Variants in FOXN3 observed in about 807,000 individuals in gnomAD.
FOXN3 encodes forkhead box protein N3.
A neutral mutation model predicts 38.4 loss-of-function variants in FOXN3; 7 were observed. The ratio of observed to expected loss-of-function variants is 0.18; its 90% CI spans 0.10 to 0.34. FOXN3 has a LOEUF of 0.34. Among genes scored for constraint, FOXN3 ranks in the 10% least tolerant of loss-of-function variants. The pLI, the probability that FOXN3 is intolerant of heterozygous loss-of-function variation, is 1.00. For missense variants in FOXN3, 456 were observed against 613.4 expected (o/e 0.74, Z 2.71); for synonymous variants, 230 against 242.2 (o/e 0.95, Z 0.47).
intron 4 of FOXN3, among the ~76,000 whole-genome samples, chr14:89,209,107 T>C (rs146367083): frequency 5.6e-4 from 85 of 152,358 alleles, no homozygotes; most frequent in African/African-American, 2.0e-3. Context: ...TCGGACTCAC[T>C]GGATATTCCA....
rs79057960 is a variant in FOXN3, at chr14:89,555,785, A to G, written c.-15+63243T>C. 2.1e-3 allele frequency among the ~76,000 whole-genome samples: 313 copies of G among 149,518 alleles called. 2 individuals carry two copies. The highest frequency in any genetic ancestry group is 6.3e-3 in the African/African-American group (259 of 40,890). ...GTTAGGAGATTTGACCAAAGACCCCATTGTAAGTTTGTAGCCAGGACTAGC... is the reference window on the plus strand; with the variant it reads ...GTTAGGAGATTTGACCAAAGACCCCGTTGTAAGTTTGTAGCCAGGACTAGC... On this transcript the variant is annotated intron_variant, in intron 1 of 6. Coordinates refer to the FOXN3 transcript ENST00000345097.
At chr14:89,289,107 A>G (rs1886773974) in intron 3 of FOXN3, among the ~76,000 whole-genome samples, 2 of 149,724 alleles carry the variant, frequency 1.3e-5, no homozygotes, top group Admixed American at 6.7e-5. Flanking sequence ...GCTTGAACCC[A>G]GGAGGCAGAG....
At chr14:89,179,816 TTAC>T (rs1244896071) in intron 5 of FOXN3, among the ~76,000 whole-genome samples, 1 of 152,174 alleles carries the variant, frequency 6.6e-6, no homozygotes, top group Non-Finnish European at 1.5e-5. Context: ...ACGTGCTGCC[TTAC>T]ATATGAGGGT....
At chr14:89,421,145 C>CTTTTT (rs570024684), upstream of FOXN3, among the ~76,000 whole-genome samples, 23 of 108,168 alleles carry the variant, frequency 2.1e-4, no homozygotes, top group Non-Finnish European at 3.2e-4. Flanking sequence ...TTCTTTCTTT[C>CTTTTT]TTTTTTTTTT....
At chr14:89,578,938 G>A (rs990932038) in intron 1 of FOXN3, among the ~76,000 whole-genome samples, 9 of 151,942 alleles carry the variant, frequency 5.9e-5, no homozygotes, top group Middle Eastern at 3.2e-3. Flanking sequence ...GCCTCAACCT[G>A]CTGGGCCTAA....
At chr14:89,497,580 A>G (rs536479469) in intron 1 of FOXN3, among the ~76,000 whole-genome samples, 2 of 150,774 alleles carry the variant, frequency 1.3e-5, no homozygotes, top group South Asian at 4.2e-4. Flanking sequence ...CTAATTTTGT[A>G]TTTTTAGTAG....
chr14:89,575,949 T>C (rs1895604320), intron 1 of FOXN3, among the ~76,000 whole-genome samples: 1 of 152,176 alleles, frequency 6.6e-6, no homozygotes, highest in Non-Finnish European at 1.5e-5. Flanking sequence ...AACTCCTCGC[T>C]CTGAAGTTAG....
At chr14:89,387,644 A>C (rs1289157844) in intron 2 of FOXN3, among the ~76,000 whole-genome samples, 1 of 152,232 alleles carries the variant, frequency 6.6e-6, no homozygotes, top group Non-Finnish European at 1.5e-5. Flanking sequence ...TAGACAGACT[A>C]TAACTGCCAA....
chr14:89,318,261 T>C (rs752848142), intron 3 of FOXN3, among the ~76,000 whole-genome samples: 1 of 150,130 alleles, frequency 6.7e-6, no homozygotes, highest in Non-Finnish European at 1.5e-5. Context: ...CAGATTCAAG[T>C]GATTCTCTTG....
chr14:89,569,068 G>A (rs1225969864), intron 1 of FOXN3, among the ~76,000 whole-genome samples: 1 of 152,098 alleles, frequency 6.6e-6, no homozygotes, highest in Non-Finnish European at 1.5e-5. Flanking sequence ...AGCCGGGCGT[G>A]GTGGCGGGTG....
chr14:89,220,886 C>T (rs1884441272), intron 4 of FOXN3, among the ~76,000 whole-genome samples: 1 of 151,958 alleles, frequency 6.6e-6, no homozygotes, highest in African/African-American at 2.4e-5. Context: ...AGAACGATGA[C>T]TGAAAAATCA....
chr14:89,176,957 C>T (rs1281610349), intron 5 of FOXN3, among the ~76,000 whole-genome samples: 2 of 151,848 alleles, frequency 1.3e-5, no homozygotes, highest in African/African-American at 2.4e-5. Context: ...GGACAATTAA[C>T]TGCTAATGCA....
intron 1 of FOXN3, among the ~76,000 whole-genome samples, chr14:89,461,292 A>G (rs1341908074): frequency 7.3e-5 from 11 of 151,568 alleles, no homozygotes; most frequent in Non-Finnish European, 1.5e-4. Flanking sequence ...AGCCGAGATC[A>G]CACCACTGCA....
chr14:89,495,208 G>A (rs1022124391), intron 1 of FOXN3, among the ~76,000 whole-genome samples: 1 of 152,128 alleles, frequency 6.6e-6, no homozygotes, highest in African/African-American at 2.4e-5. Flanking sequence ...GCATGCTGAT[G>A]TGTTTCACTT....
At chr14:89,280,866 C>T in intron 4 of FOXN3, 84 bp downstream of exon 4, 5 of 1,212,436 alleles carry the variant, frequency 4.1e-6, no homozygotes, top group Non-Finnish European at 6.0e-6. Flanking sequence ...ACAGAACTGT[C>T]CTATTTGACA....
intron 3 of FOXN3, among the ~76,000 whole-genome samples, chr14:89,329,240 G>A (rs1051701134): frequency 6.6e-5 from 10 of 152,292 alleles, no homozygotes; most frequent in South Asian, 6.2e-4. Flanking sequence ...TTCCCAGGCT[G>A]TGATGCTTAC....
intron 4 of FOXN3, 81 bp from the exon 5 acceptor site, chr14:89,180,887 G>C (rs1484558556): frequency 9.8e-6 from 8 of 812,784 alleles, no homozygotes; most frequent in Non-Finnish European, 1.3e-5. Context: ...ATTCTGGATA[G>C]ACCAATAAGA....
chr14:89,254,454 C>T (rs1596134001), intron 4 of FOXN3, among the ~76,000 whole-genome samples: 1 of 152,258 alleles, frequency 6.6e-6, no homozygotes. Context: ...CAGAACTGCA[C>T]GGCCAGACAG....
At chr14:89,521,561 G>A (rs1471276031) in intron 1 of FOXN3, among the ~76,000 whole-genome samples, 1 of 152,096 alleles carries the variant, frequency 6.6e-6, no homozygotes, top group Admixed American at 6.5e-5. Flanking sequence ...GACAGGAAAG[G>A]AGGACAGAGA....
Sources: allele counts gnomAD v4.1 joint callset (sites outside exome capture counted in the v4.1 genomes callset), GRCh38; gene constraint gnomAD v4.1.1; transcripts MANE v1.5; gene names NCBI Gene and HGNC (gene_info 2026-07-23, HGNC 2026-07-21).